Variants in DCC observed in about 807,000 individuals in gnomAD.
DCC encodes netrin receptor DCC.
In DCC, 58 loss-of-function variants were observed where a neutral mutation model predicts 172.5. That is an observed-to-expected ratio of 0.34 (90% CI 0.27 to 0.42). DCC has a LOEUF of 0.42. DCC is among the 10% of genes least tolerant of loss of function. The pLI is 1.00. For missense variants in DCC, 1,740 were observed against 1,791.0 expected, an observed-to-expected ratio of 0.97 and a Z score of 0.51; for synonymous variants, 709 against 644.5, an observed-to-expected ratio of 1.10 and a Z score of -1.52.
chr18:52,610,186 T>A lies in DCC; in HGVS notation c.92-141868T>A, dbSNP rs1346565379. On this transcript the variant is annotated intron_variant, in intron 1 of 28. Coordinates refer to ENST00000442544, the MANE Select transcript of DCC (RefSeq NM_005215.4). ...AAAAAAAAAAAAAAAAAAATATATATATATATATATATATATATATATATA... is the reference window on the plus strand; with the variant it reads ...AAAAAAAAAAAAAAAAAAATATATAAATATATATATATATATATATATATA... 2.3e-3 allele frequency among the ~76,000 whole-genome samples: 24 copies of A among 10,402 alleles called. 6 individuals carry two copies. The highest frequency in any genetic ancestry group is 5.0e-3 in the South Asian group (1 of 202). 6.8% of individuals were successfully genotyped at this position (10,402 alleles called of 152,430 possible). A position where few individuals can be genotyped will look rare whatever the true frequency, so the allele number is the denominator to read the frequency against.
intron 1 of DCC, among the ~76,000 whole-genome samples, chr18:52,699,491 A>G (rs2145030703): frequency 6.6e-6 from 1 of 152,352 alleles, no homozygotes; most frequent in African/African-American, 2.4e-5. Flanking sequence ...TAGCAGGAAG[A>G]ATGTTAAAAT....
chr18:52,902,774 T>C (rs1318093976), intron 2 of DCC, among the ~76,000 whole-genome samples: 1 of 152,190 alleles, frequency 6.6e-6, no homozygotes, highest in East Asian at 1.9e-4. Flanking sequence ...TCAAGCCTTA[T>C]AGAGCCTTAT....
intron 1 of DCC, among the ~76,000 whole-genome samples, chr18:52,589,313 C>T (rs1347212144): frequency 1.3e-5 from 2 of 152,140 alleles, no homozygotes; most frequent in Non-Finnish European, 2.9e-5. Flanking sequence ...AAAGAAATTC[C>T]AGAAATGAAA....
chr18:52,656,134 T>A (rs995324412), intron 1 of DCC, among the ~76,000 whole-genome samples: 9 of 149,704 alleles, frequency 6.0e-5, no homozygotes, highest in African/African-American at 2.2e-4. Context: ...TGTATATATA[T>A]AGTGTGTATT....
chr18:52,930,226 A>G (rs939372354), intron 5 of DCC, among the ~76,000 whole-genome samples: 3 of 152,188 alleles, frequency 2.0e-5, no homozygotes, highest in South Asian at 2.1e-4. Context: ...TGGCCTCCCA[A>G]GGTTCTGGGA....
chr18:53,171,672 G>C (rs1219692440), intron 8 of DCC, among the ~76,000 whole-genome samples: 1 of 151,976 alleles, frequency 6.6e-6, no homozygotes, highest in Non-Finnish European at 1.5e-5. Context: ...GACATGTCCA[G>C]ATTTTCTTGC....
intron 6 of DCC, among the ~76,000 whole-genome samples, 192 bp from the exon 7 acceptor site, chr18:53,065,854 A>T (rs2042558318): frequency 6.6e-6 from 1 of 152,182 alleles, no homozygotes; most frequent in Admixed American, 6.6e-5. Context: ...CTGTGAATTC[A>T]GAAAAGAAAA....
chr18:53,368,564 T>A (rs898459913), intron 15 of DCC, among the ~76,000 whole-genome samples: 1 of 152,108 alleles, frequency 6.6e-6, no homozygotes, highest in Non-Finnish European at 1.5e-5. Flanking sequence ...TCTAAGAGTT[T>A]TATAGTGTTA....
intron 2 of DCC, among the ~76,000 whole-genome samples, chr18:52,900,306 A>C (rs1348059193): frequency 6.6e-6 from 1 of 152,244 alleles, no homozygotes; most frequent in Non-Finnish European, 1.5e-5. Flanking sequence ...AGCAACACTT[A>C]ACAAAGTAAC....
chr18:53,507,538 G>A (rs2046196055), intron 27 of DCC, among the ~76,000 whole-genome samples: 1 of 152,262 alleles, frequency 6.6e-6, no homozygotes, highest in African/African-American at 2.4e-5. Flanking sequence ...TAGGCTTGCA[G>A]GAGGACTGAT....
intron 13 of DCC, among the ~76,000 whole-genome samples, chr18:53,312,806 C>CT (rs2057290988): frequency 5.7e-5 from 1 of 17,552 alleles, no homozygotes; most frequent in Non-Finnish European, 1.2e-4. Flanking sequence ...AAGACACTGT[C>CT]TCAAAAAAAA....
At chr18:52,769,731 A>C (rs1387160163) in intron 2 of DCC, among the ~76,000 whole-genome samples, 3 of 152,130 alleles carry the variant, frequency 2.0e-5, no homozygotes, top group Non-Finnish European at 4.4e-5. Context: ...TTACATTTAC[A>C]TCTGTGATTC....
At chr18:52,529,287 G>GTTTGTT (rs1313028928) in intron 1 of DCC, among the ~76,000 whole-genome samples, 3 of 152,028 alleles carry the variant, frequency 2.0e-5, no homozygotes, top group Non-Finnish European at 4.4e-5. Context: ...TTTTTGGTTT[G>GTTTGTT]TTTGTTTTTG....
At chr18:53,326,637 C>G (rs747332513) in intron 14 of DCC, among the ~76,000 whole-genome samples, 10 of 152,162 alleles carry the variant, frequency 6.6e-5, no homozygotes, top group Non-Finnish European at 1.2e-4. Context: ...CTTAAATATT[C>G]ATCTCATTTT....
intron 1 of DCC, among the ~76,000 whole-genome samples, chr18:52,471,045 G>A (rs1001640262): frequency 2.4e-4 from 36 of 152,116 alleles, no homozygotes; most frequent in Admixed American, 9.8e-4. Flanking sequence ...CTGTTCACAC[G>A]CTGAGAATAG....
chr18:52,828,457 T>C (rs1173689049), intron 2 of DCC, among the ~76,000 whole-genome samples: 2 of 151,872 alleles, frequency 1.3e-5, no homozygotes, highest in African/African-American at 2.4e-5. Context: ...TAAAGAAATA[T>C]GAGGAATAAT....
At chr18:53,411,566 A>G (rs1169185421) in intron 20 of DCC, among the ~76,000 whole-genome samples, 1 of 152,172 alleles carries the variant, frequency 6.6e-6, no homozygotes, top group Non-Finnish European at 1.5e-5. Context: ...TACTAAAAGA[A>G]GAGTCTTAGT....
At chr18:53,147,592 G>C (rs2144367193) in intron 7 of DCC, among the ~76,000 whole-genome samples, 1 of 152,220 alleles carries the variant, frequency 6.6e-6, no homozygotes, top group Non-Finnish European at 1.5e-5. Flanking sequence ...CAAGTGCACT[G>C]CACACAAATG....
intron 12 of DCC, among the ~76,000 whole-genome samples, chr18:53,289,287 G>A (rs1163873201): frequency 6.6e-6 from 1 of 152,102 alleles, no homozygotes; most frequent in African/African-American, 2.4e-5. Flanking sequence ...TCTAAGCATG[G>A]AATCACACGA....
Sources: allele counts gnomAD v4.1 joint callset (sites outside exome capture counted in the v4.1 genomes callset), GRCh38; gene constraint gnomAD v4.1.1; transcripts MANE v1.5; gene names NCBI Gene and HGNC (gene_info 2026-07-23, HGNC 2026-07-21).